The following ATP8A1 variants were observed in gnomAD, a reference collection of about 807,000 sequenced individuals.
The protein encoded by ATP8A1 is ATPase phospholipid transporting 8A1, also known as phospholipid-transporting ATPase IA.
A neutral mutation model predicts 177.7 loss-of-function variants in ATP8A1; 90 were observed. The ratio of observed to expected loss-of-function variants is 0.51; its 90% CI spans 0.43 to 0.60. The LOEUF is 0.60. ATP8A1 is among the 20% of genes least tolerant of loss of function. The pLI is 0.00. For synonymous variants in ATP8A1, 493 were observed against 485.9 expected, an observed-to-expected ratio of 1.01 and a Z score of -0.19; for missense variants, 1,072 against 1,392.8, an observed-to-expected ratio of 0.77 and a Z score of 3.67.
chr4:42,486,700 T>C (rs1446432869), intron 24 of ATP8A1, among the ~76,000 whole-genome samples: 1 of 152,220 alleles, frequency 6.6e-6, no homozygotes, highest in East Asian at 1.9e-4. Flanking sequence ...ACAGACTGAA[T>C]ATCCCATGGT....
At chr4:42,414,774 T>A (rs1713038830) in intron 35 of ATP8A1, 56 bp from the exon 36 acceptor site, 1 of 1,326,072 alleles carries the variant, frequency 7.5e-7, no homozygotes, top group East Asian at 2.3e-5. Flanking sequence ...GAGACCCCAG[T>A]GTGCCCACAG....
intron 3 of ATP8A1, 78 bp from the exon 4 acceptor site, chr4:42,624,712 T>G: frequency 1.3e-6 from 1 of 743,454 alleles, no homozygotes; most frequent in Non-Finnish European, 2.0e-6. Flanking sequence ...ACAGTCTCAG[T>G]GCCTTCTAAA....
Position 42,569,153 on chromosome 4 carries a change from G to C in ATP8A1, c.1340+8C>G. The C allele has an allele frequency of 6.3e-7, 1 of 1,597,960 alleles. No individual in the cohort carries two copies. On this transcript the variant is annotated splice_region_variant and intron_variant, in intron 15 of 36. Coordinates refer to ENST00000381668, the MANE Select transcript of ATP8A1 (RefSeq NM_006095.2). ...GATCAATGAGGCAGAAAGTTCCATAGAGCTTACCATTCATCAGGAGAGCAG... is the reference window on the plus strand; with the variant it reads ...GATCAATGAGGCAGAAAGTTCCATACAGCTTACCATTCATCAGGAGAGCAG...
At chr4:42,601,374 G>GA (rs11435358) in intron 5 of ATP8A1, among the ~76,000 whole-genome samples, 110,169 of 144,966 alleles carry the variant, frequency 0.76, 41,869 homozygotes, top group Non-Finnish European at 0.82. Context: ...TTTCTGAAAA[G>GA]AAAAAAAAAA....
intron 31 of ATP8A1, 75 bp from the exon 32 acceptor site, chr4:42,444,709 G>T (rs867835352): frequency 7.1e-7 from 1 of 1,412,084 alleles, no homozygotes; most frequent in Non-Finnish European, 9.9e-7. Flanking sequence ...GATTTATAAA[G>T]AACAGAGATC....
chr4:42,541,408 C>T lies in ATP8A1; in HGVS notation c.1722+2509G>A, dbSNP rs184700513. The stretch of plus-strand genomic sequence containing the variant: ...GAAGATGTGGAGCAACAAAAGCTCT[C>T]ATTAATTGCTAATGGGAATGCAAAA... On this transcript the variant is annotated intron_variant, in intron 20 of 36. Transcript: ENST00000381668. Among the ~76,000 whole-genome samples, 6 of 152,272 alleles carry T rather than the reference C, an allele frequency of 3.9e-5. No individual in the cohort carries two copies. In the East Asian group the frequency reaches 1.2e-3, roughly 29 times the overall value.
chr4:42,612,335 C>A (rs930721504), intron 5 of ATP8A1, among the ~76,000 whole-genome samples: 1 of 150,634 alleles, frequency 6.6e-6, no homozygotes, highest in African/African-American at 2.5e-5. Flanking sequence ...ACAGAGAGCA[C>A]CTACTAAGAC....
At chr4:42,530,751 T>A (rs955125964) in intron 20 of ATP8A1, among the ~76,000 whole-genome samples, 2 of 152,304 alleles carry the variant, frequency 1.3e-5, no homozygotes, top group South Asian at 2.1e-4. Flanking sequence ...AGCAAAGTTC[T>A]CCAGAAGGCC....
intron 14 of ATP8A1, among the ~76,000 whole-genome samples, chr4:42,572,703 T>A (rs1732028564): frequency 6.6e-6 from 1 of 152,226 alleles, no homozygotes; most frequent in Non-Finnish European, 1.5e-5. Context: ...CTTATACAGT[T>A]AAAATTTGCA....
intron 20 of ATP8A1, among the ~76,000 whole-genome samples, chr4:42,531,132 G>A (rs1727220641): frequency 6.6e-6 from 1 of 152,212 alleles, no homozygotes; most frequent in African/African-American, 2.4e-5. Flanking sequence ...CTCCATAACA[G>A]AGGTAGGGAA....
At chr4:42,571,998 G>A (rs1292273552) in intron 14 of ATP8A1, among the ~76,000 whole-genome samples, 2 of 152,160 alleles carry the variant, frequency 1.3e-5, no homozygotes, top group African/African-American at 4.8e-5. Flanking sequence ...GAAACTTCAA[G>A]CCTTATTCTT....
At chr4:42,570,883 T>C (rs552701572) in intron 14 of ATP8A1, among the ~76,000 whole-genome samples, 1,792 of 152,292 alleles carry the variant, frequency 0.012, 31 homozygotes, top group African/African-American at 0.041. Context: ...AACCACCCAT[T>C]ATAGCCTCAC....
At chr4:42,485,852 C>T (rs1722144839) in intron 24 of ATP8A1, among the ~76,000 whole-genome samples, 184 bp from the exon 25 acceptor site, 1 of 152,122 alleles carries the variant, frequency 6.6e-6, no homozygotes, top group African/African-American at 2.4e-5. Flanking sequence ...CAATTGTTAT[C>T]AGAAAAAGTT....
intron 20 of ATP8A1, among the ~76,000 whole-genome samples, chr4:42,541,506 AATT>A (rs1399423252): frequency 6.6e-6 from 1 of 152,200 alleles, no homozygotes; most frequent in Non-Finnish European, 1.5e-5. Context: ...AAGATCTTGC[AATT>A]ATTCTCCTTG....
intron 19 of ATP8A1, among the ~76,000 whole-genome samples, chr4:42,547,206 T>C (rs1729020156): frequency 1.3e-5 from 2 of 152,174 alleles, no homozygotes; most frequent in South Asian, 4.1e-4. Flanking sequence ...TCTGTGTAAA[T>C]GGTACCTCTA....
At chr4:42,418,188 T>A (rs1019018905) in intron 35 of ATP8A1, among the ~76,000 whole-genome samples, 1 of 152,024 alleles carries the variant, frequency 6.6e-6, no homozygotes, top group African/African-American at 2.4e-5. Context: ...TATTCCCTAC[T>A]CTCCCTGCAT....
chr4:42,528,442 G>A (rs1726931452), intron 20 of ATP8A1, among the ~76,000 whole-genome samples: 1 of 152,146 alleles, frequency 6.6e-6, no homozygotes, highest in African/African-American at 2.4e-5. Context: ...TCTCCCATCT[G>A]GCCTGTGCAG....
intron 16 of ATP8A1, 142 bp downstream of exon 16, chr4:42,555,826 A>ATAACTAAC (rs201546496): frequency 1.4e-5 from 8 of 561,258 alleles, no homozygotes; most frequent in African/African-American, 3.9e-5. Flanking sequence ...TCTGTCTCAA[A>ATAACTAAC]TAACTAACTA....
At chr4:42,645,685 T>A (rs149802730) in intron 1 of ATP8A1, among the ~76,000 whole-genome samples, 2 of 152,198 alleles carry the variant, frequency 1.3e-5, no homozygotes. Context: ...CCTGTCCACA[T>A]TGGACACACT....
Sources: gnomAD v4.1 joint callset for allele counts (sites outside exome capture counted in the v4.1 genomes callset) on GRCh38, gnomAD v4.1.1 for gene constraint, MANE v1.5 for transcripts, NCBI Gene and HGNC (gene_info 2026-07-23, HGNC 2026-07-21) for gene names.